The following NR3C1 variants were observed in gnomAD, a reference collection of about 807,000 sequenced individuals.
The protein encoded by NR3C1 is nuclear receptor subfamily 3 group C member 1.
A neutral mutation model predicts 74.0 loss-of-function variants in NR3C1; 14 were observed. The ratio of observed to expected loss-of-function variants is 0.19; its 90% CI spans 0.12 to 0.30. NR3C1 has a LOEUF of 0.30. Among genes scored for constraint, NR3C1 ranks in the 10% least tolerant of loss-of-function variants. The probability of loss-of-function intolerance (pLI) is 1.00; values close to 1 mark genes in which losing one functional copy is unlikely to be tolerated. For synonymous variants in NR3C1, 308 were observed against 332.5 expected (o/e 0.93, Z 0.80); for missense variants, 695 against 909.8 (o/e 0.76, Z 3.04).
At chr5:143,353,022 C>G (rs2151790963) in intron 2 of NR3C1, among the ~76,000 whole-genome samples, 1 of 152,312 alleles carries the variant, frequency 6.6e-6, no homozygotes, top group South Asian at 2.1e-4. Flanking sequence ...TGCTGCTTTA[C>G]CAATTAAGTT....
intron 2 of NR3C1, among the ~76,000 whole-genome samples, chr5:143,357,429 T>C (rs991492680): frequency 6.6e-6 from 1 of 152,162 alleles, no homozygotes; most frequent in Non-Finnish European, 1.5e-5. Flanking sequence ...AAAGCTGAAA[T>C]TGGAGAAAAT....
intron 7 of NR3C1, among the ~76,000 whole-genome samples, chr5:143,286,570 T>A (rs1334098459): frequency 6.6e-6 from 1 of 152,122 alleles, no homozygotes; most frequent in Non-Finnish European, 1.5e-5. Flanking sequence ...TGAATAATGC[T>A]GCTATGAACA....
intron 1 of NR3C1, among the ~76,000 whole-genome samples, chr5:143,417,469 A>G (rs1750969280): frequency 6.6e-6 from 1 of 152,140 alleles, no homozygotes; most frequent in Non-Finnish European, 1.5e-5. Flanking sequence ...ACATGTCTTT[A>G]GCAAGTTACT....
Position 143,279,329 on chromosome 5 carries a change from C to CTAT in NR3C1, c.*2557_*2559dup. ...ATAATCTTCTTTTTCTCATTGAGTT[C>CTAT]TATTTTTTGAGCGCCAAGATTGTTG... On this transcript the variant is annotated 3_prime_UTR_variant, in exon 9 of 9. Coordinates refer to ENST00000394464, the MANE Select transcript of NR3C1 (RefSeq NM_000176.3). 1 of 1,540,672 alleles carries CTAT rather than the reference C, an allele frequency of 6.5e-7. No homozygotes were observed. The highest frequency in any genetic ancestry group is 1.7e-4 in the Middle Eastern group (1 of 5,958).
At chr5:143,324,350 T>C (rs1824075751) in intron 2 of NR3C1, among the ~76,000 whole-genome samples, 1 of 152,250 alleles carries the variant, frequency 6.6e-6, no homozygotes, top group Non-Finnish European at 1.5e-5. Flanking sequence ...CTCAGCACCA[T>C]GTGGAAGCTG....
intron 1 of NR3C1, among the ~76,000 whole-genome samples, chr5:143,429,060 T>C: frequency 6.6e-6 from 1 of 152,222 alleles, no homozygotes; most frequent in East Asian, 1.9e-4. Context: ...AGCTGATGAC[T>C]TCTAAACCAT....
rs1185730638 is a variant in NR3C1 at position 143,306,251 on chromosome 5, T to C, written c.1468+3846A>G. 3.9e-5 allele frequency among the ~76,000 whole-genome samples: 6 copies of C among 152,208 alleles called. No individual in the cohort carries two copies. In the East Asian group the frequency reaches 1.2e-3, roughly 29 times the overall value. On this transcript the variant is annotated intron_variant, in intron 4 of 8. Coordinates refer to ENST00000394464, the MANE Select transcript of NR3C1 (RefSeq NM_000176.3). ...TATAAAAATACACCACTTGGAGTCCTAAGTTACATTTATGGAGAGACTTGG... is the reference window on the plus strand; with the variant it reads ...TATAAAAATACACCACTTGGAGTCCCAAGTTACATTTATGGAGAGACTTGG...
At chr5:143,402,869 G>T in intron 1 of NR3C1, 2 of 972,960 alleles carry the variant, frequency 2.1e-6, no homozygotes, top group Non-Finnish European at 2.4e-6. Context: ...CCCTTGGAGG[G>T]AAAGGGGACA....
At chr5:143,324,608 A>G (rs1291681951) in intron 2 of NR3C1, among the ~76,000 whole-genome samples, 2 of 152,196 alleles carry the variant, frequency 1.3e-5, no homozygotes, top group African/African-American at 2.4e-5. Flanking sequence ...GGGGATTAAC[A>G]TTAGGCTCCT....
intron 2 of NR3C1, among the ~76,000 whole-genome samples, chr5:143,323,188 C>A (rs745323195): frequency 3.9e-5 from 6 of 152,182 alleles, no homozygotes; most frequent in Non-Finnish European, 5.9e-5. Context: ...CGGTTAGTCC[C>A]TTACTAGCCA....
chr5:143,384,458 C>G (rs928341380), intron 2 of NR3C1, among the ~76,000 whole-genome samples: 1 of 152,202 alleles, frequency 6.6e-6, no homozygotes, highest in African/African-American at 2.4e-5. Flanking sequence ...CAAGTCCACT[C>G]TGCTTATGAG....
intron 2 of NR3C1, among the ~76,000 whole-genome samples, chr5:143,388,954 G>A (rs923653535): frequency 1.3e-5 from 2 of 152,146 alleles, no homozygotes; most frequent in Admixed American, 6.6e-5. Context: ...TCATTCCTAT[G>A]TACTCAGTCC....
rs56139427 is a variant in NR3C1 at position 143,434,462 on chromosome 5, A to G, written c.-14+70T>C. 5,861 of 839,574 alleles carry G rather than the reference A, an allele frequency of 7.0e-3. 311 individuals carry two copies. The African/African-American group carries it at 0.1, about 14-fold the overall frequency. 52.0% of individuals were successfully genotyped at this position (839,574 alleles called of 1,614,324 possible). A position where few individuals can be genotyped will look rare whatever the true frequency, so the allele number is the denominator to read the frequency against. ...TTTCTGATGCTCTGACCTCTGAGTG[A>G]CCTTTAACAAGTAACTTTGTTAGAA... On this transcript the variant is annotated intron_variant, in intron 1 of 8. Transcript: ENST00000343796.
At chr5:143,303,679 C>T (rs751249982) in intron 4 of NR3C1, among the ~76,000 whole-genome samples, 7 of 152,180 alleles carry the variant, frequency 4.6e-5, no homozygotes, top group Non-Finnish European at 2.9e-5. Flanking sequence ...ATACAAAAAT[C>T]TTCAACAAAA....
At chr5:143,329,559 CTTTA>C (rs891760175) in intron 2 of NR3C1, among the ~76,000 whole-genome samples, 7 of 152,154 alleles carry the variant, frequency 4.6e-5, no homozygotes, top group African/African-American at 7.2e-5. Flanking sequence ...TCTACTGCTG[CTTTA>C]TTTTTTTGCA....
At chr5:143,371,531 A>G (rs1314212782) in intron 2 of NR3C1, among the ~76,000 whole-genome samples, 1 of 152,242 alleles carries the variant, frequency 6.6e-6, no homozygotes, top group Non-Finnish European at 1.5e-5. Context: ...CATTGTCCAC[A>G]GTAGAAACTG....
chr5:143,280,156 T>G lies in NR3C1; in HGVS notation c.*1733A>C, dbSNP rs1452353010. ...ATGCATGTACAAACTATAAATCATA[T>G]AGGTTATCCATCAGCATTTCTTTGA... is the stretch of plus-strand genomic sequence containing the variant. On this transcript the variant is annotated 3_prime_UTR_variant, in exon 9 of 9. Transcript: ENST00000394464. The G allele has an allele frequency of 6.6e-6, 1 of 152,572 alleles. No individual in the cohort carries two copies. The highest frequency in any genetic ancestry group is 2.4e-5 in the African/African-American group (1 of 41,446). The allele number at this position is 152,572 out of a possible 1,614,324, so 9.5% of individuals were successfully genotyped here.
At chr5:143,380,911 C>A (rs919522782) in intron 2 of NR3C1, among the ~76,000 whole-genome samples, 7 of 152,144 alleles carry the variant, frequency 4.6e-5, no homozygotes, top group Non-Finnish European at 1.0e-4. Context: ...AGAGTGCCCA[C>A]TGTTATTCAA....
At chr5:143,330,485 G>C (rs927404762) in intron 2 of NR3C1, among the ~76,000 whole-genome samples, 2 of 152,130 alleles carry the variant, frequency 1.3e-5, no homozygotes, top group Admixed American at 1.3e-4. Flanking sequence ...CTTTGTCAGA[G>C]TTTGTATCTT....
Sources: gnomAD v4.1 joint callset for allele counts (sites outside exome capture counted in the v4.1 genomes callset) on GRCh38, gnomAD v4.1.1 for gene constraint, MANE v1.5 for transcripts, NCBI Gene and HGNC (gene_info 2026-07-23, HGNC 2026-07-21) for gene names.